KCNMA1: variants seen among roughly 807,000 people sequenced by gnomAD.
The protein encoded by KCNMA1 is Calcium-activated potassium channel subunit alpha-1.
KCNMA1 carries 29 observed loss-of-function variants against 140.0 expected under a neutral mutation model. The observed-to-expected ratio is 0.21, with a 90% CI of 0.15 to 0.28. KCNMA1 has a LOEUF of 0.28. Among genes scored for constraint, KCNMA1 ranks in the 10% least tolerant of loss-of-function variants. KCNMA1 has a pLI of 1.00. For synonymous variants in KCNMA1, 612 were observed against 611.9 expected (o/e 1.00, Z 0.00); for missense variants, 880 against 1,602.2 (o/e 0.55, Z 7.70).
chr10:77,571,673 C>G (rs1216709173), intron 1 of KCNMA1, among the ~76,000 whole-genome samples: 2 of 152,184 alleles, frequency 1.3e-5, no homozygotes, highest in Non-Finnish European at 2.9e-5. Context: ...TTCCAACTCC[C>G]CACCTGGCAA....
rs1363100616 is a variant in KCNMA1, at chr10:77,279,527, G to C, written c.541-28271C>G. ...CTTTACAAATAACACTTATTTTCCT[G>C]TCTCACAGAAGCAGGGAGATAAATG... On this transcript the variant is annotated intron_variant, in intron 2 of 27. Transcript: ENST00000286628. Among the ~76,000 whole-genome samples the C allele has an allele frequency of 2.0e-5, 3 of 152,274 alleles. No homozygotes were observed. The East Asian group carries it at 5.8e-4, about 29-fold the overall frequency.
intron 1 of KCNMA1, among the ~76,000 whole-genome samples, chr10:77,509,176 A>G (rs1464368644): frequency 6.6e-6 from 1 of 152,034 alleles, no homozygotes; most frequent in African/African-American, 2.4e-5. Context: ...GCTGGAGTGC[A>G]GTGATGCAAT....
chr10:77,348,492 A>T (rs1261250141), intron 2 of KCNMA1, among the ~76,000 whole-genome samples: 1 of 152,168 alleles, frequency 6.6e-6, no homozygotes, highest in African/African-American at 2.4e-5. Context: ...AAAAAGATGG[A>T]ACCAGGGAAA....
chr10:77,330,020 G>A, intron 2 of KCNMA1, among the ~76,000 whole-genome samples: 1 of 152,254 alleles, frequency 6.6e-6, no homozygotes, highest in Non-Finnish European at 1.5e-5. Context: ...TATTGTTGTT[G>A]TTCCAAATTA....
At chr10:77,451,804 C>G (rs1030662884) in intron 1 of KCNMA1, among the ~76,000 whole-genome samples, 12 of 152,214 alleles carry the variant, frequency 7.9e-5, no homozygotes, top group Non-Finnish European at 1.5e-4. Context: ...TGTTTTTTCT[C>G]CCCAGGGCAT....
intron 1 of KCNMA1, among the ~76,000 whole-genome samples, chr10:77,410,876 C>T (rs1469403390): frequency 2.0e-5 from 3 of 152,268 alleles, no homozygotes; most frequent in African/African-American, 7.2e-5. Flanking sequence ...AGCTCTCCAC[C>T]TCATCCCGAC....
chr10:77,059,253 A>G (rs2095652590), intron 14 of KCNMA1, among the ~76,000 whole-genome samples: 1 of 151,992 alleles, frequency 6.6e-6, no homozygotes, highest in African/African-American at 2.4e-5. Flanking sequence ...ACCTAGTAGT[A>G]TTTCACTGCC....
chr10:77,216,012 T>C (rs1178048334), intron 3 of KCNMA1, among the ~76,000 whole-genome samples: 1 of 152,110 alleles, frequency 6.6e-6, no homozygotes, highest in Non-Finnish European at 1.5e-5. Flanking sequence ...TGCTGTTGCC[T>C]TGATCTTAGA....
chr10:77,304,677 C>T (rs1344570576), intron 2 of KCNMA1: 2 of 152,218 alleles, frequency 1.3e-5, no homozygotes, highest in African/African-American at 2.4e-5. Context: ...TGATCTTGGT[C>T]GTTCGAAGCC....
intron 14 of KCNMA1, among the ~76,000 whole-genome samples, chr10:77,056,853 T>C (rs1249611156): frequency 6.6e-6 from 1 of 152,172 alleles, no homozygotes; most frequent in Non-Finnish European, 1.5e-5. Flanking sequence ...GCTAGGTCAA[T>C]ATAAATTGTG....
intron 13 of KCNMA1, among the ~76,000 whole-genome samples, chr10:77,074,068 C>A (rs1394359388): frequency 6.6e-6 from 1 of 151,972 alleles, no homozygotes. Context: ...GGCAAAAGAC[C>A]AAACTAAAAA....
intron 2 of KCNMA1, among the ~76,000 whole-genome samples, chr10:77,392,255 GGGAAGGGAGGGAAA>G (rs1181295505): frequency 7.3e-6 from 1 of 137,004 alleles, no homozygotes; most frequent in Non-Finnish European, 1.6e-5. Flanking sequence ...AGAGAGGGAA[GGGAAGGGAGGGAAA>G]GGAAGGGAGG....
rs144181785 is a variant in KCNMA1, at chr10:77,361,400, G to A, written c.540+42462C>T. On this transcript the variant is annotated intron_variant, in intron 2 of 27. Coordinates refer to ENST00000286628, the MANE Select transcript of KCNMA1 (RefSeq NM_001161352.2). ...TAGAGGAGGCCCTGAACAGTGCTGG[G>A]CGCCCAAACAGGGACTTCCTCCCAG... 2.0e-3 allele frequency among the ~76,000 whole-genome samples: 309 copies of A among 152,310 alleles called. 1 individual carries two copies. Among genetic ancestry groups the A allele is most frequent in the African/African-American group, 7.0e-3 (289 of 41,564 alleles).
chr10:76,952,664 C>T (rs980073260), intron 21 of KCNMA1, among the ~76,000 whole-genome samples: 1 of 152,214 alleles, frequency 6.6e-6, no homozygotes, highest in Non-Finnish European at 1.5e-5. Flanking sequence ...ACCTCTGAGA[C>T]AGCCTCCAGC....
chr10:77,037,799 T>C (rs1240691872), intron 15 of KCNMA1, among the ~76,000 whole-genome samples: 1 of 152,130 alleles, frequency 6.6e-6, no homozygotes, highest in Non-Finnish European at 1.5e-5. Context: ...AACTAGCTTC[T>C]GTTAAAAAGC....
chr10:77,308,049 A>C (rs1030413797), intron 2 of KCNMA1, among the ~76,000 whole-genome samples: 38 of 152,242 alleles, frequency 2.5e-4, no homozygotes, highest in African/African-American at 9.2e-4. Context: ...AGATAAGCAC[A>C]GCATACCCAG....
chr10:77,086,273 T>A (rs1030909434), intron 11 of KCNMA1, among the ~76,000 whole-genome samples: 5 of 152,036 alleles, frequency 3.3e-5, no homozygotes, highest in African/African-American at 1.2e-4. Context: ...AAGTGTGGGA[T>A]GGTTATAGGT....
At chr10:77,528,709 T>C (rs959768235) in intron 1 of KCNMA1, among the ~76,000 whole-genome samples, 7 of 151,906 alleles carry the variant, frequency 4.6e-5, no homozygotes, top group Non-Finnish European at 8.8e-5. Context: ...ACAACACAGA[T>C]GTCCATCAAC....
Position 77,229,017 on chromosome 10 carries a change from T to G in KCNMA1, c.602+22178A>C, listed in dbSNP as rs1369888032. ...AGGGAATGTGTGCTTCCATCACAAG[T>G]AACACAGTGTATACAAAACTAACAA... On this transcript the variant is annotated intron_variant, in intron 3 of 27. Transcript: ENST00000286628. 2.6e-5 allele frequency among the ~76,000 whole-genome samples: 4 copies of G among 152,254 alleles called. No individual in the cohort carries two copies. The East Asian group carries it at 7.7e-4, about 29-fold the overall frequency.
Sources: gnomAD v4.1 joint callset for allele counts (sites outside exome capture counted in the v4.1 genomes callset) on GRCh38, gnomAD v4.1.1 for gene constraint, MANE v1.5 for transcripts, NCBI Gene and HGNC (gene_info 2026-07-23, HGNC 2026-07-21) for gene names.